FPGS: variants seen among roughly 807,000 people sequenced by gnomAD.
FPGS encodes the protein folylpolyglutamate synthase, also known as folylpolyglutamate synthase, mitochondrial.
A neutral mutation model predicts 66.5 loss-of-function variants in FPGS; 53 were observed. The ratio of observed to expected loss-of-function variants is 0.80; its 90% CI spans 0.64 to 1.00. The LOEUF (loss-of-function observed/expected upper bound fraction) is 1.00, where lower values mean the gene tolerates loss of function less well. FPGS is among the 50% of genes least tolerant of loss of function. The probability of loss-of-function intolerance (pLI) is 0.00; values close to 1 mark genes in which losing one functional copy is unlikely to be tolerated. For synonymous variants in FPGS, 348 were observed against 350.9 expected (o/e 0.99, Z 0.09); for missense variants, 702 against 807.7 (o/e 0.87, Z 1.59).
chr9:127,809,848 C>A lies in FPGS; in HGVS notation c.1211+14C>A. The A allele has an allele frequency of 1.1e-6, 1 of 934,414 alleles. No homozygotes were observed. Among genetic ancestry groups the A allele is most frequent in the Non-Finnish European group, 1.5e-6 (1 of 681,036 alleles). 57.9% of individuals were successfully genotyped at this position (934,414 alleles called of 1,614,324 possible). ...GAGGCCGAGCGGGTGAGGGGCAGGG[C>A]TGGGGGTGGGGCCGGGGCTGGCCCA... is the stretch of plus-strand genomic sequence containing the variant. On this transcript the variant is annotated intron_variant, in intron 12 of 14. Transcript: ENST00000373247.
chr9:127,804,810 T>G, intron 4 of FPGS, 110 bp downstream of exon 4: 1 of 959,648 alleles, frequency 1.0e-6, no homozygotes. Context: ...CAGCTGCATG[T>G]CTCTCTGCCC....
rs755170744 is a variant in FPGS at position 127,813,391 on chromosome 9, C to T, written c.1551C>T (p.Phe517=). 1 of 1,610,346 alleles carries T rather than the reference C, an allele frequency of 6.2e-7. No homozygotes were observed. The highest frequency in any genetic ancestry group is 8.5e-7 in the Non-Finnish European group (1 of 1,177,808). The change falls in exon 15 of 15, where the codon TTC becomes TTT. Residue 517 remains phenylalanine, a synonymous_variant. Transcript: ENST00000373247. ...CCTGCAGTGCCAGCTCCCTCGTCTT[C>T]AGCTGCATTTCACATGCCTTGCAAT... ...PHTCSASSLV[F]SCISHALQWI...
chr9:127,807,920 A>G lies in FPGS; in HGVS notation c.744+232A>G. ...CCGGAGTTTGAGACCAGCCTGACCA[A>G]TATGGGGAAACTCTGTCTCTACTAA... On this transcript the variant is annotated intron_variant, in intron 8 of 14. Transcript: ENST00000373247. The surrounding 1 kb of genome is among the most constrained non-coding windows in gnomAD (Gnocchi z 5.8). 1 of 569,016 alleles carries G rather than the reference A, an allele frequency of 1.8e-6. No homozygotes were observed. The highest frequency in any genetic ancestry group is 3.1e-6 in the Non-Finnish European group (1 of 323,468). 35.2% of individuals were successfully genotyped at this position (569,016 alleles called of 1,614,324 possible). A position where few individuals can be genotyped will look rare whatever the true frequency, so the allele number is the denominator to read the frequency against.
Position 127,803,024 on chromosome 9 carries a change from G to T in FPGS, c.100G>T (p.Ala34Ser). The T allele has an allele frequency of 6.8e-7, 1 of 1,460,878 alleles. No homozygotes were observed. The allele number at this position is 1,460,878 out of a possible 1,614,324, so 90.5% of individuals were successfully genotyped here. A position where few individuals can be genotyped will look rare whatever the true frequency, so the allele number is the denominator to read the frequency against. The change falls in exon 1 of 15, where the codon GCG becomes TCG. Residue 34 changes from alanine (A) to serine (S), a missense_variant. Physicochemically the swap from Ala to Ser is moderately conservative, Grantham distance 99. This residue lies in a region of FPGS where 111 missense variants were observed against 95.4 expected (regional missense o/e 1.16). Transcript: ENST00000373247. ...GGTCGCGGCGCGGCGGGGCTTGAGCGCGTGGCCGGTGCCGCAGGAGCCGAG... is the reference window on the plus strand; with the variant it reads ...GGTCGCGGCGCGGCGGGGCTTGAGCTCGTGGCCGGTGCCGCAGGAGCCGAG... ...TQVAARRGLS[A>S]WPVPQEPSME...
Position 127,809,666 on chromosome 9 carries a change from C to T in FPGS, c.1061-18C>T, listed in dbSNP as rs1485117296. 2 of 1,579,728 alleles carry T rather than the reference C, an allele frequency of 1.3e-6. No individual in the cohort carries two copies. Among genetic ancestry groups the T allele is most frequent in the Non-Finnish European group, 1.7e-6 (2 of 1,170,804 alleles). On this transcript the variant is annotated intron_variant, in intron 11 of 14. Transcript: ENST00000373247. ...GGTGGGAGAGGGCCTGGAGGACTGC[C>T]TTGCTGCCCTCCCCCAGGGCTTCGG...
rs752973270 is a variant in FPGS, at chr9:127,804,031, T to G, written c.139-254T>G. Reference sequence around the variant, plus strand: ...CTGGGCAGGAAGCAAGGCTAGCCCGTTAGTCATGCCACCTTCTTTGTGTAG... The same window carrying G: ...CTGGGCAGGAAGCAAGGCTAGCCCGGTAGTCATGCCACCTTCTTTGTGTAG... On this transcript the variant is annotated intron_variant, in intron 1 of 14. Transcript: ENST00000373247. Among the ~76,000 whole-genome samples the G allele has an allele frequency of 3.9e-5, 6 of 152,180 alleles. No homozygotes were observed. In the East Asian group the frequency reaches 1.2e-3, roughly 29 times the overall value.
chr9:127,814,303 G>A, downstream of FPGS: 1 of 269,706 alleles, frequency 3.7e-6, no homozygotes, highest in Non-Finnish European at 5.7e-6. Flanking sequence ...GAGACCTTGT[G>A]ATGGAGAATT....
At chr9:127,805,137 C>T (rs1401919955) in intron 4 of FPGS, among the ~76,000 whole-genome samples, 1 of 152,070 alleles carries the variant, frequency 6.6e-6, no homozygotes, top group African/African-American at 2.4e-5. Context: ...GATCCGCCCA[C>T]CTCGGCCTCC....
At position 127,813,347 on chromosome 9, in the gene FPGS, G is replaced by A. The variant is rs552129194; in HGVS notation, c.1507G>A (p.Ala503Thr). 6.6e-5 allele frequency: 107 copies of A among 1,612,858 alleles called. 1 individual carries two copies. The South Asian group carries it at 9.6e-4, about 14-fold the overall frequency. ...EPGGSASLLL[A>T]PHPPHTCSAS... ...CGGTGGGTCCGCATCCCTGCTTCTG[G>A]CGCCCCACCCACCCCACACCTGCAG... Residue 503 changes from alanine to threonine, a missense_variant, in exon 15 of 15, where the codon GCG (alanine) becomes ACG (threonine). Transcript: ENST00000373247.
chr9:127,803,519 C>A, intron 1 of FPGS: 1 of 622,440 alleles, frequency 1.6e-6, no homozygotes, highest in Non-Finnish European at 2.0e-6. Flanking sequence ...GGGGGAGAGG[C>A]AGGAATCAGG....
At chr9:127,804,771 C>A in intron 4 of FPGS, 71 bp downstream of exon 4, 1 of 1,498,754 alleles carries the variant, frequency 6.7e-7, no homozygotes, top group Non-Finnish European at 9.3e-7. Flanking sequence ...CCAGCCAGTG[C>A]TTCAGGACCA....
At chr9:127,804,762 C>T in intron 4 of FPGS, 62 bp downstream of exon 4, 1 of 1,553,630 alleles carries the variant, frequency 6.4e-7, no homozygotes, top group Non-Finnish European at 8.9e-7. Context: ...GCTATGGAAC[C>T]AGCCAGTGCT....
chr9:127,813,988 G>C lies in FPGS; in HGVS notation c.*384G>C, dbSNP rs1387190807. 2 of 1,051,080 alleles carry C rather than the reference G, an allele frequency of 1.9e-6. No homozygotes were observed. Among genetic ancestry groups the C allele is most frequent in the African/African-American group, 1.7e-5 (1 of 59,672 alleles). The allele number at this position is 1,051,080 out of a possible 1,614,324, so 65.1% of individuals were successfully genotyped here. ...CTCCTCCCAGTGCCTTCTGGGAAGG[G>C]AGAGGGCCTCTGCCTGGGACACTGC... is the stretch of plus-strand genomic sequence containing the variant. On this transcript the variant is annotated 3_prime_UTR_variant, in exon 15 of 15. Coordinates refer to ENST00000373247, the MANE Select transcript of FPGS (RefSeq NM_004957.6).
rs749360973 is a variant in FPGS at position 127,807,000 on chromosome 9, G to A, written c.414G>A (p.Glu138=). Residue 138 remains glutamate (E), a synonymous_variant, in exon 5 of 15, where the codon GAG becomes GAA. Transcript: ENST00000373247. ...CTCCCCACCTGGTGCAGGTTCGGGA[G>A]CGGATCCGCATCAATGGGCAGCCCA... ...FSSPHLVQVR[E]RIRINGQPIS... 28 of 1,614,028 alleles carry A rather than the reference G, an allele frequency of 1.7e-5. No individual in the cohort carries two copies. Among genetic ancestry groups the A allele is most frequent in the East Asian group, 2.2e-5 (1 of 44,896 alleles).
chr9:127,810,971 C>T lies in FPGS; in HGVS notation c.1314C>T (p.Phe438=). The T allele has an allele frequency of 6.3e-7, 1 of 1,584,626 alleles. No homozygotes were observed. The highest frequency in any genetic ancestry group is 8.6e-7 in the Non-Finnish European group (1 of 1,163,308). ...LQPCQFDYAV[F]CPNLTEVSST... Reference sequence around the variant, plus strand: ...CCTGCCAGTTTGACTATGCCGTCTTCTGCCCTAACCTGACAGAGGTGTCAT... The same window carrying T: ...CCTGCCAGTTTGACTATGCCGTCTTTTGCCCTAACCTGACAGAGGTGTCAT... Residue 438 remains phenylalanine, a synonymous_variant, in exon 14 of 15, where the codon TTC becomes TTT. Coordinates refer to ENST00000373247, the MANE Select transcript of FPGS (RefSeq NM_004957.6).
intron 13 of FPGS, among the ~76,000 whole-genome samples, chr9:127,810,403 C>T (rs1380553054): frequency 6.6e-6 from 1 of 152,092 alleles, no homozygotes; most frequent in African/African-American, 2.4e-5. Context: ...AGCATATCAC[C>T]CTGGACGAGA....
rs1588554226 is a variant in FPGS, at chr9:127,806,856, A to G, written c.387-117A>G. On this transcript the variant is annotated intron_variant, in intron 4 of 14. Transcript: ENST00000373247. ...TCCGGGGGGATGGGGCACCAGGAAC[A>G]AACCGAGGGACACAGGAGAGATGAG... The G allele has an allele frequency of 6.7e-6, 5 of 751,380 alleles. No homozygotes were observed. In the East Asian group the frequency reaches 1.3e-4, roughly 19 times the overall value. The allele number at this position is 751,380 out of a possible 1,614,324, so 46.5% of individuals were successfully genotyped here.
In FPGS at chr9:127,804,308, C is replaced by G. The variant is rs755581301; in HGVS notation, c.162C>G (p.Thr54=). ...EYQDAVRMLN[T]LQTNAGYLEQ... The stretch of plus-strand genomic sequence containing the variant: ...AGGATGCCGTGCGCATGCTCAATAC[C>G]CTGCAGACCAATGCCGGCTACCTGG... The change falls in exon 2 of 15, where the codon ACC becomes ACG. Residue 54 remains threonine (T), a synonymous_variant. Transcript: ENST00000373247. The G allele has an allele frequency of 5.6e-6, 9 of 1,614,188 alleles. No homozygotes were observed. In the South Asian group the frequency reaches 9.9e-5, roughly 18 times the overall value.
chr9:127,803,461 G>A (rs1829688807), intron 1 of FPGS: 8 of 975,916 alleles, frequency 8.2e-6, no homozygotes, highest in Non-Finnish European at 9.8e-6. Flanking sequence ...TGATCTGGGG[G>A]TGGGCTGTCC....
Sources: gnomAD v4.1 joint callset for allele counts (sites outside exome capture counted in the v4.1 genomes callset) on GRCh38, gnomAD v4.1.1 for gene constraint, gnomAD v4.1.1 regional missense constraint, Gnocchi (gnomAD v3.1) non-coding constraint, MANE v1.5 for transcripts, NCBI Gene and HGNC (gene_info 2026-07-23, HGNC 2026-07-21) for gene names.